Variants in CAB39 observed in about 807,000 individuals in gnomAD.
CAB39 encodes the protein calcium-binding protein 39.
In CAB39, 8 loss-of-function variants were observed where a neutral mutation model predicts 40.0. The ratio of observed to expected loss-of-function variants is 0.20; its 90% CI spans 0.12 to 0.36. CAB39 has a LOEUF of 0.36. CAB39 is among the 10% of genes least tolerant of loss of function. The pLI is 1.00. For synonymous variants in CAB39, 156 were observed against 141.6 expected (o/e 1.10, Z -0.72); for missense variants, 270 against 401.1 (o/e 0.67, Z 2.79).
intron 1 of CAB39, among the ~76,000 whole-genome samples, chr2:230,752,756 T>C (rs181295014): frequency 1.3e-5 from 2 of 152,354 alleles, no homozygotes; most frequent in East Asian, 1.9e-4. Flanking sequence ...TCTGTAAAGA[T>C]AGATTTAGAA....
At chr2:230,777,424 T>G (rs1023286142) in intron 2 of CAB39, among the ~76,000 whole-genome samples, 1 of 143,182 alleles carries the variant, frequency 7.0e-6, no homozygotes, top group Non-Finnish European at 1.5e-5. Flanking sequence ...CTCAATTTTG[T>G]TTTTTTTTTT....
intron 7 of CAB39, among the ~76,000 whole-genome samples, chr2:230,814,548 C>T (rs1696366024): frequency 6.6e-6 from 1 of 152,116 alleles, no homozygotes. Flanking sequence ...GCAGGATATC[C>T]TTTGCAAGTT....
chr2:230,778,925 C>G (rs1049735286), intron 2 of CAB39: 1 of 152,064 alleles, frequency 6.6e-6, no homozygotes, highest in African/African-American at 2.4e-5. Flanking sequence ...CCACAGTTGT[C>G]TCTGTGGTCT....
intron 2 of CAB39, among the ~76,000 whole-genome samples, chr2:230,780,550 T>C (rs1695669231): frequency 6.6e-6 from 1 of 152,238 alleles, no homozygotes; most frequent in Admixed American, 6.5e-5. Flanking sequence ...TTGGTACTTC[T>C]GAGAAATACT....
At chr2:230,778,618 A>AT (rs1379701504) in intron 2 of CAB39, among the ~76,000 whole-genome samples, 1 of 152,024 alleles carries the variant, frequency 6.6e-6, no homozygotes, top group African/African-American at 2.4e-5. Context: ...ACCCTGTTTT[A>AT]TTTTTTAATG....
Position 230,735,928 on chromosome 2 carries a change from T to C in CAB39, c.-44+22698T>C, listed in dbSNP as rs368414650. Among the ~76,000 whole-genome samples, 3 of 152,248 alleles carry C rather than the reference T, an allele frequency of 2.0e-5. No homozygotes were observed. In the South Asian group the frequency reaches 6.2e-4, roughly 32 times the overall value. ...AAACTTGGAAGTATTTTCATTCATC[T>C]TTACTTACCAGAAAGGAGAACGACA... On this transcript the variant is annotated intron_variant, in intron 1 of 8. Coordinates refer to ENST00000258418, the MANE Select transcript of CAB39 (RefSeq NM_016289.4).
At chr2:230,729,436 G>A (rs1292238518) in intron 1 of CAB39, among the ~76,000 whole-genome samples, 1 of 152,112 alleles carries the variant, frequency 6.6e-6, no homozygotes, top group Non-Finnish European at 1.5e-5. Context: ...AAAACCAAGA[G>A]AATCAAATCA....
intron 4 of CAB39, among the ~76,000 whole-genome samples, chr2:230,796,985 A>C (rs1481922839): frequency 6.6e-6 from 1 of 152,210 alleles, no homozygotes; most frequent in Non-Finnish European, 1.5e-5. Context: ...GGAAGACTGG[A>C]TAGTTAAGTC....
intron 1 of CAB39, among the ~76,000 whole-genome samples, chr2:230,717,597 A>C (rs1210976434): frequency 1.3e-5 from 2 of 152,184 alleles, no homozygotes; most frequent in Admixed American, 1.3e-4. Context: ...TCTGTGAATA[A>C]AATGATCAGT....
intron 2 of CAB39, among the ~76,000 whole-genome samples, chr2:230,775,255 G>A (rs115739999): frequency 9.5e-6 from 1 of 105,102 alleles, no homozygotes; most frequent in East Asian, 2.6e-4. Flanking sequence ...TTTTTTTTTT[G>A]AAACAGACTC....
chr2:230,737,852 T>C (rs904495210), intron 1 of CAB39, among the ~76,000 whole-genome samples: 3 of 152,216 alleles, frequency 2.0e-5, no homozygotes, highest in Non-Finnish European at 4.4e-5. Flanking sequence ...TTGACTATAT[T>C]ATGATGTCAA....
chr2:230,788,418 C>T (rs1351497536), intron 2 of CAB39, among the ~76,000 whole-genome samples: 1 of 152,064 alleles, frequency 6.6e-6, no homozygotes, highest in African/African-American at 2.4e-5. Flanking sequence ...TTTTGTTCTA[C>T]ATATGTTATA....
intron 2 of CAB39, among the ~76,000 whole-genome samples, chr2:230,781,080 CA>C (rs113164632): frequency 7.2e-4 from 101 of 140,394 alleles, no homozygotes; most frequent in Non-Finnish European, 7.3e-4. Context: ...GACCTGATCT[CA>C]AAAAAAAAAA....
At chr2:230,753,058 C>T (rs1370318251) in intron 1 of CAB39, among the ~76,000 whole-genome samples, 2 of 152,034 alleles carry the variant, frequency 1.3e-5, no homozygotes, top group Middle Eastern at 3.4e-3. Flanking sequence ...AAGAGTGGAA[C>T]CTTGAAGGAC....
At chr2:230,818,405 C>A in intron 8 of CAB39, 111 bp from the exon 9 acceptor site, 2 of 792,876 alleles carry the variant, frequency 2.5e-6, no homozygotes, top group South Asian at 1.9e-5. Context: ...ACCCTGACTT[C>A]AGCGCCATCC....
intron 5 of CAB39, among the ~76,000 whole-genome samples, chr2:230,808,434 A>T (rs769369590): frequency 1.3e-5 from 2 of 152,102 alleles, no homozygotes; most frequent in Non-Finnish European, 2.9e-5. Flanking sequence ...CCATAAACAC[A>T]CCACAATAGC....
At chr2:230,795,589 A>G (rs539963085) in intron 4 of CAB39, among the ~76,000 whole-genome samples, 1 of 152,186 alleles carries the variant, frequency 6.6e-6, no homozygotes, top group African/African-American at 2.4e-5. Flanking sequence ...TGGTTATCCC[A>G]TTTCTGGTGA....
intron 4 of CAB39, 21 bp from the exon 5 acceptor site, chr2:230,798,707 GT>G: frequency 6.4e-7 from 1 of 1,571,278 alleles, no homozygotes; most frequent in Non-Finnish European, 8.7e-7. Flanking sequence ...TGGTTTGTTT[GT>G]TTGGTTTTTT....
intron 1 of CAB39, among the ~76,000 whole-genome samples, chr2:230,749,568 A>G (rs1453487940): frequency 1.3e-5 from 2 of 152,346 alleles, no homozygotes; most frequent in African/African-American, 4.8e-5. Context: ...ATGTATAGAT[A>G]AAGATGGGAT....
Sources: gnomAD v4.1 joint callset for allele counts (sites outside exome capture counted in the v4.1 genomes callset) on GRCh38, gnomAD v4.1.1 for gene constraint, MANE v1.5 for transcripts, NCBI Gene and HGNC (gene_info 2026-07-23, HGNC 2026-07-21) for gene names.